PGBD1: variants seen among roughly 807,000 people sequenced by gnomAD.
PGBD1 encodes piggyBac transposable element derived 1.
Under a neutral mutation model 34.7 loss-of-function variants are expected in PGBD1, and 25 were observed. That is an observed-to-expected ratio of 0.72 (90% CI 0.52 to 1.00). The LOEUF is 1.00. PGBD1 is among the 50% of genes least tolerant of loss of function. The pLI, the probability that PGBD1 is intolerant of heterozygous loss-of-function variation, is 0.00. For synonymous variants in PGBD1, 292 were observed against 335.7 expected, an observed-to-expected ratio of 0.87 and a Z score of 1.42; for missense variants, 830 against 959.4, an observed-to-expected ratio of 0.87 and a Z score of 1.78.
chr6:28,301,076 G>A lies in PGBD1; in HGVS notation c.1222G>A (p.Gly408Arg), dbSNP rs1235544632. Reference protein sequence around the residue: ...NFPSWSALDSGLLNLKSEKLN... With the variant: ...NFPSWSALDSRLLNLKSEKLN... The stretch of plus-strand genomic sequence containing the variant: ...TCCAAGCTGGTCAGCACTGGATTCT[G>A]GACTTTTGAATCTCAAGAGCGAAAA... The change falls in exon 7 of 7, where the codon GGA becomes AGA. Residue 408 changes from glycine to arginine, a missense_variant. Gly to Arg is a moderately radical substitution (Grantham distance 125). Transcript: ENST00000682144. The A allele has an allele frequency of 6.2e-7, 1 of 1,614,174 alleles. No homozygotes were observed. Among genetic ancestry groups the A allele is most frequent in the South Asian group, 1.1e-5 (1 of 91,084 alleles).
Position 28,300,192 on chromosome 6 carries a change from A to T in PGBD1, c.870-532A>T, listed in dbSNP as rs992110407. Among the ~76,000 whole-genome samples the T allele has an allele frequency of 6.6e-6, 1 of 152,188 alleles. No homozygotes were observed. The highest frequency in any genetic ancestry group is 1.5e-5 in the Non-Finnish European group (1 of 68,038). On this transcript the variant is annotated intron_variant, in intron 6 of 6. Transcript: ENST00000682144. This position sits in a 1 kb window ranked among gnomAD's most constrained non-coding sequence, Gnocchi z 4.0. Reference sequence around the variant, plus strand: ...TCCATGTTCAGAAATTCTGTGAGAGATGTCAGAAGACCTGGTAAATAATAA... The same window carrying T: ...TCCATGTTCAGAAATTCTGTGAGAGTTGTCAGAAGACCTGGTAAATAATAA...
chr6:28,284,591 T>C (rs1762233442), intron 2 of PGBD1, among the ~76,000 whole-genome samples: 1 of 152,212 alleles, frequency 6.6e-6, no homozygotes, highest in Non-Finnish European at 1.5e-5. Context: ...ATTGCAGCCT[T>C]GAACTGCAAT....
At chr6:28,295,941 C>A (rs572430751) in intron 4 of PGBD1, among the ~76,000 whole-genome samples, 1 of 152,204 alleles carries the variant, frequency 6.6e-6, no homozygotes, top group East Asian at 1.9e-4. Context: ...TCTTGAAACC[C>A]CCTCCTTGTC....
In PGBD1 at chr6:28,300,260, C is replaced by T. The variant is rs1269492343; in HGVS notation, c.870-464C>T. The stretch of plus-strand genomic sequence containing the variant: ...GATTCAGAACCAATTGACAGGGATG[C>T]AGGAGTAAAATAGATGGTTCTGGAA... On this transcript the variant is annotated intron_variant, in intron 6 of 6. Transcript: ENST00000682144. This position sits in a 1 kb window ranked among gnomAD's most constrained non-coding sequence, Gnocchi z 4.0. 6.6e-6 allele frequency among the ~76,000 whole-genome samples: 1 copy of T among 152,118 alleles called. No individual in the cohort carries two copies. Among genetic ancestry groups the T allele is most frequent in the Admixed American group, 6.5e-5 (1 of 15,274 alleles).
intron 6 of PGBD1, 129 bp downstream of exon 6, chr6:28,298,120 G>A: frequency 1.4e-6 from 1 of 707,962 alleles, no homozygotes. Flanking sequence ...TCACTTCTGT[G>A]ATCATAGGAG....
rs550175792 is a variant in PGBD1 at position 28,285,202 on chromosome 6, A to G, written c.397-349A>G. On this transcript the variant is annotated intron_variant, in intron 2 of 6. Transcript: ENST00000682144. Reference sequence around the variant, plus strand: ...ACCACAGAGGTAATGTTGTGTTCTCAGTGCGTTACTTCAGGAGGTGCGTAG... The same window carrying G: ...ACCACAGAGGTAATGTTGTGTTCTCGGTGCGTTACTTCAGGAGGTGCGTAG... Among the ~76,000 whole-genome samples, 2 of 152,316 alleles carry G rather than the reference A, an allele frequency of 1.3e-5. 1 individual carries two copies. Among genetic ancestry groups the G allele is most frequent in the Admixed American group, 1.3e-4 (2 of 15,302 alleles).
intron 4 of PGBD1, 51 bp from the exon 5 acceptor site, chr6:28,296,765 T>A: frequency 6.2e-7 from 1 of 1,604,012 alleles, no homozygotes; most frequent in Non-Finnish European, 8.5e-7. Context: ...CACAACTGGA[T>A]TCCTTACCAT....
At position 28,302,204 on chromosome 6, in the gene PGBD1, G is replaced by A; in HGVS notation, c.2350G>A (p.Gly784Ser). The change falls in exon 7 of 7, where the codon GGT becomes AGT. Residue 784 changes from glycine (G) to serine (S), a missense_variant. Around this residue, in one of 3 missense-constraint regions of PGBD1, gnomAD observed 372 missense variants for 427.9 expected, o/e 0.87. Coordinates refer to ENST00000682144, the MANE Select transcript of PGBD1 (RefSeq NM_032507.4). ...GCAACTACACAGAGCCTGTAACCCA[G>A]GTGCTTCTCTAGACCCCTTGGATTT... Reference protein sequence around the residue: ...AWQLHRACNPGASLDPLDFRR... With the variant: ...AWQLHRACNPSASLDPLDFRR... The A allele has an allele frequency of 1.9e-6, 3 of 1,614,112 alleles. No homozygotes were observed. Among genetic ancestry groups the A allele is most frequent in the Non-Finnish European group, 2.5e-6 (3 of 1,180,016 alleles).
rs774499232 is a variant in PGBD1, at chr6:28,283,950, G to A, written c.137G>A (p.Arg46His). The A allele has an allele frequency of 7.4e-6, 12 of 1,614,028 alleles. No homozygotes were observed. The highest frequency in any genetic ancestry group is 6.7e-5 in the East Asian group (3 of 44,896). ...SSHTQEICRL[R>H]FRHFCYQEAH... The stretch of plus-strand genomic sequence containing the variant: ...CACACTCAGGAGATTTGCCGCCTGC[G>A]CTTTCGGCACTTCTGCTACCAGGAG... The change falls in exon 2 of 7, where the codon CGC (arginine) becomes CAC (histidine). Residue 46 changes from arginine (R) to histidine (H), a missense_variant. Physicochemically the swap from Arg to His is conservative, Grantham distance 29. This residue lies in a region of PGBD1 where 457 missense variants were observed against 515.4 expected (regional missense o/e 0.89). Coordinates refer to ENST00000682144, the MANE Select transcript of PGBD1 (RefSeq NM_032507.4).
chr6:28,301,759 G>A lies in PGBD1; in HGVS notation c.1905G>A (p.Leu635=). 1 of 1,614,164 alleles carries A rather than the reference G, an allele frequency of 6.2e-7. No individual in the cohort carries two copies. Among genetic ancestry groups the A allele is most frequent in the South Asian group, 1.1e-5 (1 of 91,086 alleles). ...ATAGCTTCTTTACAAGTGTCAAATT[G>A]TTGTCAGCCTTGAAAAAGAAGGGGG... ...CFDSFFTSVK[L]LSALKKKGVR... Residue 635 remains leucine, a synonymous_variant, in exon 7 of 7, where the codon TTG becomes TTA. Coordinates refer to ENST00000682144, the MANE Select transcript of PGBD1 (RefSeq NM_032507.4).
chr6:28,284,605 G>A, intron 2 of PGBD1, among the ~76,000 whole-genome samples: 1 of 152,176 alleles, frequency 6.6e-6, no homozygotes, highest in East Asian at 1.9e-4. Context: ...CTGCAATGGT[G>A]GAAGGCTCAA....
chr6:28,297,427 A>G (rs1202355898), intron 5 of PGBD1, among the ~76,000 whole-genome samples: 1 of 151,996 alleles, frequency 6.6e-6, no homozygotes, highest in East Asian at 1.9e-4. Flanking sequence ...CCCATGCTGG[A>G]GCATAGTGGC....
At chr6:28,296,182 A>G (rs937764440) in intron 4 of PGBD1, among the ~76,000 whole-genome samples, 1 of 152,212 alleles carries the variant, frequency 6.6e-6, no homozygotes, top group Non-Finnish European at 1.5e-5. Context: ...ATGTTTTTAA[A>G]CAATCTTTGT....
intron 4 of PGBD1, among the ~76,000 whole-genome samples, chr6:28,288,457 T>C (rs1020650797): frequency 2.0e-5 from 3 of 152,194 alleles, no homozygotes; most frequent in African/African-American, 7.2e-5. Context: ...AGTGGAATGA[T>C]GGATAATCAA....
At chr6:28,297,808 C>T (rs991282328) in intron 5 of PGBD1, 87 bp from the exon 6 acceptor site, 11 of 692,576 alleles carry the variant, frequency 1.6e-5, no homozygotes, top group Middle Eastern at 7.6e-4. Flanking sequence ...CTATTCCCTA[C>T]CCTGGAAGTT....
At chr6:28,295,359 G>A (rs541928914) in intron 4 of PGBD1, among the ~76,000 whole-genome samples, 1 of 152,300 alleles carries the variant, frequency 6.6e-6, no homozygotes, top group East Asian at 1.9e-4. Context: ...GCAGCAGCAG[G>A]TTTGAGATGA....
chr6:28,283,962 T>G lies in PGBD1; in HGVS notation c.149T>G (p.Phe50Cys). Reference sequence around the variant, plus strand: ...ATTTGCCGCCTGCGCTTTCGGCACTTCTGCTACCAGGAGGCTCACGGACCC... The same window carrying G: ...ATTTGCCGCCTGCGCTTTCGGCACTGCTGCTACCAGGAGGCTCACGGACCC... Reference protein sequence around the residue: ...QEICRLRFRHFCYQEAHGPQE... With the variant: ...QEICRLRFRHCCYQEAHGPQE... Residue 50 changes from phenylalanine (F) to cysteine (C), a missense_variant, in exon 2 of 7, where the codon TTC becomes TGC. By Grantham distance (205) the Phe-to-Cys change is radical (BLOSUM62 -2). Transcript: ENST00000682144. 1 of 1,614,210 alleles carries G rather than the reference T, an allele frequency of 6.2e-7. No individual in the cohort carries two copies. Among genetic ancestry groups the G allele is most frequent in the Non-Finnish European group, 8.5e-7 (1 of 1,180,028 alleles).
At chr6:28,294,831 T>G (rs1026711052) in intron 4 of PGBD1, among the ~76,000 whole-genome samples, 1 of 152,224 alleles carries the variant, frequency 6.6e-6, no homozygotes, top group Non-Finnish European at 1.5e-5. Flanking sequence ...ATTAATGTTT[T>G]CAAGCCTGCC....
At position 28,302,152 on chromosome 6, in the gene PGBD1, G is replaced by A; in HGVS notation, c.2298G>A (p.Met766Ile). Residue 766 changes from methionine (M) to isoleucine (I), a missense_variant, in exon 7 of 7, where the codon ATG becomes ATA. By Grantham distance (10) the Met-to-Ile change is conservative (BLOSUM62 1). This residue lies in a region of PGBD1 where 372 missense variants were observed against 427.9 expected (regional missense o/e 0.87). Coordinates refer to ENST00000682144, the MANE Select transcript of PGBD1 (RefSeq NM_032507.4). ...GGTACTCAATTTTGGTGAGCTACAT[G>A]ATTGATGTAGCCATGAACAATGCAT... The part of the protein sequence containing the change: ...KKWYSILVSY[M>I]IDVAMNNAWQ... 4 of 1,614,178 alleles carry A rather than the reference G, an allele frequency of 2.5e-6. No homozygotes were observed. Among genetic ancestry groups the A allele is most frequent in the Non-Finnish European group, 3.4e-6 (4 of 1,180,030 alleles).
Sources: gnomAD v4.1 joint callset for allele counts (sites outside exome capture counted in the v4.1 genomes callset) on GRCh38, gnomAD v4.1.1 for gene constraint, gnomAD v4.1.1 regional missense constraint, Gnocchi (gnomAD v3.1) non-coding constraint, MANE v1.5 for transcripts, NCBI Gene and HGNC (gene_info 2026-07-23, HGNC 2026-07-21) for gene names.